Variants in LPP observed in about 807,000 individuals in gnomAD.
LPP encodes the protein lipoma-preferred partner.
Under a neutral mutation model 60.4 loss-of-function variants are expected in LPP, and 38 were observed. That is an observed-to-expected ratio of 0.63 (90% CI 0.49 to 0.83). The LOEUF (loss-of-function observed/expected upper bound fraction) is 0.83. LPP is among the 40% of genes least tolerant of loss of function. The pLI is 0.00. For synonymous variants in LPP, 328 were observed against 290.8 expected (o/e 1.13, Z -1.30); for missense variants, 902 against 783.6 (o/e 1.15, Z -1.80).
chr3:188,157,001 T>C (rs990908969), intron 1 of LPP, among the ~76,000 whole-genome samples: 1 of 152,220 alleles, frequency 6.6e-6, no homozygotes, highest in Non-Finnish European at 1.5e-5. Flanking sequence ...ATCGAATCAA[T>C]TGTAAAACAC....
intron 4 of LPP, among the ~76,000 whole-genome samples, chr3:188,415,250 C>T (rs1418689797): frequency 6.6e-6 from 1 of 152,072 alleles, no homozygotes; most frequent in African/African-American, 2.4e-5. Context: ...GATATCACCA[C>T]ACATGTATTA....
At chr3:188,713,917 T>G (rs984113798) in intron 8 of LPP, among the ~76,000 whole-genome samples, 2 of 152,174 alleles carry the variant, frequency 1.3e-5, no homozygotes, top group African/African-American at 4.8e-5. Flanking sequence ...TTTCTTATTT[T>G]TTACCAGACA....
intron 3 of LPP, among the ~76,000 whole-genome samples, chr3:188,366,940 A>AG: frequency 6.6e-6 from 1 of 150,998 alleles, no homozygotes; most frequent in South Asian, 2.1e-4. Context: ...TCTGTCGCCC[A>AG]GGCTGGAGTG....
chr3:188,748,108 G>A (rs1407552710), intron 8 of LPP, among the ~76,000 whole-genome samples: 1 of 152,136 alleles, frequency 6.6e-6, no homozygotes, highest in East Asian at 1.9e-4. Flanking sequence ...AAGTACATCT[G>A]CTCCATCGTA....
intron 5 of LPP, among the ~76,000 whole-genome samples, chr3:188,488,818 C>T (rs993647815): frequency 1.1e-4 from 17 of 151,648 alleles, no homozygotes; most frequent in Non-Finnish European, 2.1e-4. Context: ...TTTGTATTTT[C>T]GGTAGAGATG....
At chr3:188,244,790 C>T (rs941016396) in intron 2 of LPP, among the ~76,000 whole-genome samples, 3 of 152,158 alleles carry the variant, frequency 2.0e-5, no homozygotes, top group Non-Finnish European at 2.9e-5. Context: ...GTCTACTCAG[C>T]ATTATGTGTT....
chr3:188,244,692 C>T (rs1347677111), intron 2 of LPP, among the ~76,000 whole-genome samples: 3 of 152,100 alleles, frequency 2.0e-5, no homozygotes, highest in Admixed American at 6.6e-5. Flanking sequence ...GTGCCTTTTC[C>T]GTGTCATCTC....
intron 3 of LPP, among the ~76,000 whole-genome samples, chr3:188,360,253 G>T (rs547924705): frequency 6.6e-6 from 1 of 152,184 alleles, no homozygotes; most frequent in African/African-American, 2.4e-5. Context: ...AAACCTGAGA[G>T]AGTGTGGGAG....
chr3:188,652,792 A>G (rs1303229376), intron 7 of LPP, among the ~76,000 whole-genome samples: 3 of 152,124 alleles, frequency 2.0e-5, no homozygotes, highest in Non-Finnish European at 2.9e-5. Flanking sequence ...CCCAAGTCCC[A>G]CCATTTACCA....
chr3:188,248,468 T>TTATTTATA (rs1727812584), intron 2 of LPP, among the ~76,000 whole-genome samples: 1 of 84,142 alleles, frequency 1.2e-5, no homozygotes, highest in African/African-American at 5.3e-5. Flanking sequence ...CAGTATAACT[T>TTATTTATA]TATATATATA....
At chr3:188,198,655 G>A (rs911630845) in intron 1 of LPP, among the ~76,000 whole-genome samples, 1 of 152,212 alleles carries the variant, frequency 6.6e-6, no homozygotes. Context: ...TAGACAGAGC[G>A]ACTGGGGCTG....
At chr3:188,675,197 C>G (rs547754733) in intron 7 of LPP, among the ~76,000 whole-genome samples, 3 of 152,264 alleles carry the variant, frequency 2.0e-5, no homozygotes, top group Admixed American at 6.5e-5. Context: ...ACTTGTGGTA[C>G]TGATTAGAGT....
intron 2 of LPP, among the ~76,000 whole-genome samples, chr3:188,276,361 C>T (rs1024013034): frequency 3.9e-5 from 6 of 152,188 alleles, no homozygotes; most frequent in Non-Finnish European, 7.3e-5. Flanking sequence ...TAGCTAGTTC[C>T]TTGATTGATC....
chr3:188,835,960 T>A (rs1758354043), intron 9 of LPP, among the ~76,000 whole-genome samples: 1 of 152,214 alleles, frequency 6.6e-6, no homozygotes, highest in Admixed American at 6.5e-5. Context: ...GTATTTTTGA[T>A]GAGGAACCAA....
chr3:188,801,209 C>T (rs1747164186), intron 9 of LPP, among the ~76,000 whole-genome samples: 1 of 152,138 alleles, frequency 6.6e-6, no homozygotes, highest in Non-Finnish European at 1.5e-5. Context: ...AGTCATCTGT[C>T]CTAGGCTCTA....
At chr3:188,495,082 A>ATATATATATTTT (rs1342207321) in intron 5 of LPP, among the ~76,000 whole-genome samples, 4 of 97,270 alleles carry the variant, frequency 4.1e-5, no homozygotes, top group African/African-American at 1.6e-4. Flanking sequence ...ATATATATAT[A>ATATATATATTTT]TTTTATTTAT....
intron 1 of LPP, chr3:188,212,825 A>C (rs976256699): frequency 5.9e-5 from 9 of 152,518 alleles, no homozygotes; most frequent in Non-Finnish European, 5.9e-5. Flanking sequence ...TGGGGGCTGG[A>C]CATCGTGTGA....
intron 7 of LPP, among the ~76,000 whole-genome samples, chr3:188,674,133 G>A (rs1308683355): frequency 6.6e-6 from 1 of 152,016 alleles, no homozygotes. Flanking sequence ...TGCCTATTGA[G>A]TGGCCACATT....
At chr3:188,360,466 C>T (rs1768945057) in intron 3 of LPP, among the ~76,000 whole-genome samples, 1 of 152,004 alleles carries the variant, frequency 6.6e-6, no homozygotes, top group South Asian at 2.1e-4. Context: ...TTTCTCCCAC[C>T]CTCCTCTCTC....
Sources: allele counts gnomAD v4.1 joint callset (sites outside exome capture counted in the v4.1 genomes callset), GRCh38; gene constraint gnomAD v4.1.1; transcripts MANE v1.5; gene names NCBI Gene and HGNC (gene_info 2026-07-23, HGNC 2026-07-21).